WWC1: variants seen among roughly 807,000 people sequenced by gnomAD.
WWC1 encodes protein KIBRA.
In WWC1, 55 loss-of-function variants were observed where a neutral mutation model predicts 138.4. That is an observed-to-expected ratio of 0.40 (90% CI 0.32 to 0.50). WWC1 has a LOEUF of 0.50. Ranked by LOEUF, WWC1 falls within the 20% of genes least tolerant of loss-of-function variation. WWC1 has a pLI of 0.72. For synonymous variants in WWC1, 524 were observed against 564.9 expected, an observed-to-expected ratio of 0.93 and a Z score of 1.03; for missense variants, 1,226 against 1,420.4, an observed-to-expected ratio of 0.86 and a Z score of 2.20.
intron 20 of WWC1, among the ~76,000 whole-genome samples, chr5:168,461,788 G>T (rs1756835940): frequency 1.3e-5 from 2 of 152,108 alleles, no homozygotes; most frequent in African/African-American, 4.8e-5. Context: ...GGCCAGGCGT[G>T]GTGGCTCACG....
intron 1 of WWC1, among the ~76,000 whole-genome samples, chr5:168,330,461 C>A (rs944313578): frequency 5.3e-5 from 8 of 152,202 alleles, no homozygotes; most frequent in African/African-American, 1.9e-4. Context: ...TAGGCACCTT[C>A]AGAATTATGA....
chr5:168,368,828 T>C (rs2152805590), intron 1 of WWC1, among the ~76,000 whole-genome samples: 1 of 152,320 alleles, frequency 6.6e-6, no homozygotes, highest in South Asian at 2.1e-4. Flanking sequence ...GTTTCTGACA[T>C]CTGGCAGGGC....
chr5:168,293,213 T>C (rs986613106), intron 1 of WWC1, among the ~76,000 whole-genome samples: 2 of 152,162 alleles, frequency 1.3e-5, no homozygotes, highest in Non-Finnish European at 2.9e-5. Flanking sequence ...CACACACACA[T>C]ACATTCACCC....
intron 1 of WWC1, among the ~76,000 whole-genome samples, chr5:168,304,557 C>T (rs1770381023): frequency 6.6e-6 from 1 of 152,174 alleles, no homozygotes; most frequent in Non-Finnish European, 1.5e-5. Flanking sequence ...ATATCAGCTT[C>T]ACCTGAGAAC....
At chr5:168,363,552 G>A (rs1049330179) in intron 1 of WWC1, among the ~76,000 whole-genome samples, 6 of 139,310 alleles carry the variant, frequency 4.3e-5, no homozygotes, top group African/African-American at 1.6e-4. Context: ...AAAAAAGATG[G>A]TTTAAGCAGT....
chr5:168,396,922 C>G (rs1393095887), intron 3 of WWC1, among the ~76,000 whole-genome samples: 1 of 151,654 alleles, frequency 6.6e-6, no homozygotes, highest in African/African-American at 2.4e-5. Context: ...TTTGAATGTA[C>G]ATTAATATTA....
intron 2 of WWC1, among the ~76,000 whole-genome samples, chr5:168,377,161 C>G (rs1260906903): frequency 6.6e-6 from 1 of 151,970 alleles, no homozygotes; most frequent in Non-Finnish European, 1.5e-5. Context: ...ACTAAGTCGA[C>G]AAAAATATGC....
intron 15 of WWC1, among the ~76,000 whole-genome samples, chr5:168,437,157 C>A (rs1270662756): frequency 2.0e-5 from 3 of 152,140 alleles, no homozygotes; most frequent in Non-Finnish European, 4.4e-5. Flanking sequence ...CCAGGTGCTC[C>A]CTCACCTCCT....
intron 19 of WWC1, among the ~76,000 whole-genome samples, chr5:168,459,072 G>A: frequency 6.6e-6 from 1 of 151,872 alleles, no homozygotes; most frequent in East Asian, 1.9e-4. Flanking sequence ...TGGGCAACAT[G>A]GTGAAACCTT....
At chr5:168,375,000 G>A (rs1162370864) in intron 2 of WWC1, among the ~76,000 whole-genome samples, 1 of 152,160 alleles carries the variant, frequency 6.6e-6, no homozygotes, top group Non-Finnish European at 1.5e-5. Context: ...AACTGCAGGG[G>A]GAGTAGACTT....
In WWC1 at chr5:168,466,672, G is replaced by A. The variant is rs144257771; in HGVS notation, c.3151-1168G>A. On this transcript the variant is annotated intron_variant, in intron 21 of 22. Transcript: ENST00000265293. Reference sequence around the variant, plus strand: ...ACAGGATTATAACAAGAACATTGAGGGGAAAACAGAAAATTGGAAGGCTTG... The same window carrying A: ...ACAGGATTATAACAAGAACATTGAGAGGAAAACAGAAAATTGGAAGGCTTG... 2.6e-5 allele frequency among the ~76,000 whole-genome samples: 4 copies of A among 152,240 alleles called. No individual in the cohort carries two copies. The East Asian group carries it at 7.7e-4, about 29-fold the overall frequency.
intron 22 of WWC1, among the ~76,000 whole-genome samples, chr5:168,468,307 G>A (rs551618075): frequency 1.3e-5 from 2 of 152,076 alleles, no homozygotes; most frequent in East Asian, 1.9e-4. Context: ...ATGGATGCTC[G>A]CTGGGCCTCC....
rs1248704873 is a variant in WWC1, at chr5:168,292,769, G to A, written c.119+498G>A. Among the ~76,000 whole-genome samples, 1 of 152,150 alleles carries A rather than the reference G, an allele frequency of 6.6e-6. No homozygotes were observed. The highest frequency in any genetic ancestry group is 1.5e-5 in the Non-Finnish European group (1 of 68,036). ...GACCACTGGAGAGAGGGCACTCGGCGCAGAGGAAGGCAACCTGAGGTGTGC... is the reference window on the plus strand; with the variant it reads ...GACCACTGGAGAGAGGGCACTCGGCACAGAGGAAGGCAACCTGAGGTGTGC... On this transcript the variant is annotated intron_variant, in intron 1 of 22. Transcript: ENST00000265293. The surrounding 1 kb of genome is among the most constrained non-coding windows in gnomAD (Gnocchi z 4.4).
rs1027240857 is a variant in WWC1, at chr5:168,469,399, C to A, written c.*382C>A. On this transcript the variant is annotated 3_prime_UTR_variant, in exon 23 of 23. Transcript: ENST00000265293. ...GCTCCACCTTTTAGAGGTCTTACTG[C>A]AATAAGAAGTAATGCCTGGGGGACG... 32 of 191,622 alleles carry A rather than the reference C, an allele frequency of 1.7e-4. No individual in the cohort carries two copies. Among genetic ancestry groups the A allele is most frequent in the Non-Finnish European group, 1.1e-5 (1 of 92,152 alleles). 11.9% of individuals were successfully genotyped at this position (191,622 alleles called of 1,614,324 possible).
chr5:168,377,242 A>G (rs574941444), intron 2 of WWC1, among the ~76,000 whole-genome samples: 21 of 152,338 alleles, frequency 1.4e-4, no homozygotes, highest in African/African-American at 5.1e-4. Context: ...AAAGAATAAA[A>G]CTGGACCCCT....
chr5:168,410,271 T>C (rs1261775825), intron 8 of WWC1: 7 of 387,388 alleles, frequency 1.8e-5, no homozygotes, highest in Non-Finnish European at 2.9e-5. Flanking sequence ...TTGCCTGTCT[T>C]GATTTCTGCA....
intron 22 of WWC1, 127 bp from the exon 23 acceptor site, chr5:168,468,824 A>T (rs1757517550): frequency 1.1e-6 from 1 of 950,096 alleles, no homozygotes; most frequent in Non-Finnish European, 1.6e-6. Flanking sequence ...GTAAGAGGCC[A>T]AGGACGTTGC....
intron 1 of WWC1, among the ~76,000 whole-genome samples, chr5:168,325,172 C>T (rs1772429011): frequency 6.6e-6 from 1 of 152,200 alleles, no homozygotes; most frequent in Non-Finnish European, 1.5e-5. Context: ...CCTCCTTGTC[C>T]TCTGAGATGG....
chr5:168,360,671 G>A lies in WWC1; in HGVS notation c.120-10753G>A, dbSNP rs376194422. On this transcript the variant is annotated intron_variant, in intron 1 of 22. Transcript: ENST00000265293. ...CAGCAACAGGAGTGCCTTGCCCAAG[G>A]GCATCGTCAGGCTTCAAACCCAGAT... 3.3e-5 allele frequency among the ~76,000 whole-genome samples: 5 copies of A among 152,348 alleles called. No homozygotes were observed. The East Asian group carries it at 5.8e-4, about 18-fold the overall frequency.
Sources: allele counts gnomAD v4.1 joint callset (sites outside exome capture counted in the v4.1 genomes callset), GRCh38; gene constraint gnomAD v4.1.1; non-coding constraint Gnocchi (gnomAD v3.1); transcripts MANE v1.5; gene names NCBI Gene and HGNC (gene_info 2026-07-23, HGNC 2026-07-21).